Variants in LRRTM4 observed in about 807,000 individuals in gnomAD.
LRRTM4 encodes leucine rich repeat transmembrane neuronal 4, also known as leucine-rich repeat transmembrane neuronal protein 4.
A neutral mutation model predicts 47.6 loss-of-function variants in LRRTM4; 25 were observed. That is an observed-to-expected ratio of 0.53 (90% CI 0.38 to 0.73). LRRTM4 has a LOEUF of 0.73. Ranked by LOEUF, LRRTM4 falls within the 30% of genes least tolerant of loss-of-function variation. LRRTM4 has a pLI of 0.00. For missense variants in LRRTM4, 638 were observed against 713.4 expected (o/e 0.89, Z 1.20); for synonymous variants, 311 against 269.5 (o/e 1.15, Z -1.51).
intron 3 of LRRTM4, among the ~76,000 whole-genome samples, chr2:77,474,056 A>G (rs1447663307): frequency 1.3e-5 from 2 of 152,158 alleles, no homozygotes; most frequent in African/African-American, 2.4e-5. Flanking sequence ...CAGAAATATG[A>G]GTTTTTGTTA....
chr2:77,041,536 A>G (rs1366683190), intron 3 of LRRTM4, among the ~76,000 whole-genome samples: 3 of 151,652 alleles, frequency 2.0e-5, no homozygotes, highest in Non-Finnish European at 3.0e-5. Context: ...CCAACAATGT[A>G]TAAGAATTTG....
chr2:77,481,245 C>T (rs1369025340), intron 3 of LRRTM4, among the ~76,000 whole-genome samples: 1 of 152,164 alleles, frequency 6.6e-6, no homozygotes, highest in African/African-American at 2.4e-5. Context: ...GAAGCAAAGC[C>T]TATTATTATC....
intron 3 of LRRTM4, among the ~76,000 whole-genome samples, chr2:77,423,385 C>A (rs187536678): frequency 2.0e-5 from 3 of 152,086 alleles, no homozygotes; most frequent in Non-Finnish European, 4.4e-5. Context: ...ATTACTGATA[C>A]ATGAAGACAA....
chr2:77,252,933 T>G lies in LRRTM4; in HGVS notation c.1551+265385A>C, dbSNP rs779957038. Among the ~76,000 whole-genome samples, 212 of 152,268 alleles carry G rather than the reference T, an allele frequency of 1.4e-3. 1 individual carries two copies. The highest frequency in any genetic ancestry group is 6.8e-3 in the Middle Eastern group (2 of 294). On this transcript the variant is annotated intron_variant, in intron 3 of 3. Transcript: ENST00000409884. The stretch of plus-strand genomic sequence containing the variant: ...TGGCTGCCTTCTTCCTATGCCTTCA[T>G]ATGGTCGTTGTGTTGTTCCATCCCT...
At chr2:77,378,665 T>C (rs1057123550) in intron 3 of LRRTM4, among the ~76,000 whole-genome samples, 4 of 152,158 alleles carry the variant, frequency 2.6e-5, no homozygotes, top group African/African-American at 4.8e-5. Context: ...CTTCACCTTA[T>C]GTCCTCCACC....
At chr2:76,987,309 C>A (rs1676835921) in intron 3 of LRRTM4, 3 of 148,376 alleles carry the variant, frequency 2.0e-5, no homozygotes, top group South Asian at 4.2e-4. Context: ...AAAGTGCACA[C>A]TTTTCAGGAT....
chr2:76,883,275 C>T (rs988304257), intron 3 of LRRTM4, among the ~76,000 whole-genome samples: 2 of 152,108 alleles, frequency 1.3e-5, no homozygotes, highest in African/African-American at 4.8e-5. Context: ...CTAGTATGAG[C>T]CCCTGAAGAT....
chr2:76,852,325 G>A (rs1672022504), intron 3 of LRRTM4, among the ~76,000 whole-genome samples: 1 of 152,050 alleles, frequency 6.6e-6, no homozygotes, highest in Non-Finnish European at 1.5e-5. Context: ...TACCATCCTT[G>A]AAGCCATCTC....
At chr2:77,482,155 G>A (rs1473429539) in intron 3 of LRRTM4, among the ~76,000 whole-genome samples, 1 of 152,048 alleles carries the variant, frequency 6.6e-6, no homozygotes, top group African/African-American at 2.4e-5. Flanking sequence ...AATAGATGAA[G>A]GAAGCATGTT....
chr2:77,352,902 C>T (rs1327000932), intron 3 of LRRTM4, among the ~76,000 whole-genome samples: 5 of 151,940 alleles, frequency 3.3e-5, no homozygotes. Context: ...CAAATCAAAA[C>T]AAGTAGATAT....
At chr2:77,250,004 A>G (rs139029852) in intron 3 of LRRTM4, among the ~76,000 whole-genome samples, 5 of 152,352 alleles carry the variant, frequency 3.3e-5, no homozygotes, top group African/African-American at 1.2e-4. Context: ...GAAGTGAGCT[A>G]TCAAATCATC....
intron 3 of LRRTM4, among the ~76,000 whole-genome samples, chr2:77,315,781 G>A (rs957283891): frequency 1.3e-5 from 2 of 152,096 alleles, no homozygotes; most frequent in Non-Finnish European, 2.9e-5. Context: ...TCAAGGATCT[G>A]GGAACTAACT....
intron 3 of LRRTM4, among the ~76,000 whole-genome samples, chr2:77,372,485 A>C (rs1483273510): frequency 1.3e-5 from 2 of 151,762 alleles, no homozygotes; most frequent in East Asian, 3.9e-4. Flanking sequence ...GCACATTTCA[A>C]GAATAATGCT....
rs59335400 is a variant in LRRTM4 at position 77,207,372 on chromosome 2, T to TATATATATATATACACACACAC, written c.1551+310945_1551+310946insGTGTGTGTGTATATATATATAT. Among the ~76,000 whole-genome samples the TATATATATATATACACACACAC allele has an allele frequency of 1.9e-4, 25 of 131,086 alleles. No individual in the cohort carries two copies. In the East Asian group the frequency reaches 3.2e-3, roughly 17 times the overall value. The allele number at this position is 131,086 out of a possible 152,430, so 86.0% of individuals were successfully genotyped here. ...GTGTATATATATATATATATATATA[T>TATATATATATATACACACACAC]ACACACACACATATTTATATACACA... On this transcript the variant is annotated intron_variant, in intron 3 of 3. Transcript: ENST00000409884.
chr2:77,250,554 T>C (rs1675574880), intron 3 of LRRTM4, among the ~76,000 whole-genome samples: 1 of 152,234 alleles, frequency 6.6e-6, no homozygotes, highest in African/African-American at 2.4e-5. Flanking sequence ...CTAATTTATA[T>C]GTACATAAAC....
At chr2:77,025,051 C>G (rs916541090) in intron 3 of LRRTM4, among the ~76,000 whole-genome samples, 1 of 152,098 alleles carries the variant, frequency 6.6e-6, no homozygotes, top group Non-Finnish European at 1.5e-5. Context: ...TTTCATACTT[C>G]AAATTGTGAT....
At chr2:76,790,083 C>A (rs1172431570) in intron 3 of LRRTM4, among the ~76,000 whole-genome samples, 1 of 152,168 alleles carries the variant, frequency 6.6e-6, no homozygotes, top group Admixed American at 6.6e-5. Context: ...TCACCACTGT[C>A]TGAGATCTTT....
At position 77,276,287 on chromosome 2, in the gene LRRTM4, A is replaced by C. The variant is rs1212726423; in HGVS notation, c.1551+242031T>G. Among the ~76,000 whole-genome samples, 4 of 149,688 alleles carry C rather than the reference A, an allele frequency of 2.7e-5. No individual in the cohort carries two copies. In the East Asian group the frequency reaches 8.2e-4, roughly 31 times the overall value. On this transcript the variant is annotated intron_variant, in intron 3 of 3. Coordinates refer to ENST00000409884, the MANE Select transcript of LRRTM4 (RefSeq NM_001134745.3). ...ACACTGCAATGTAAAAACATACGCT[A>C]TTTTTAAAGCAAGTGAGAATGAAAG... is the stretch of plus-strand genomic sequence containing the variant.
chr2:77,522,252 G>C lies in LRRTM4; in HGVS notation c.-291C>G. On this transcript the variant is annotated 5_prime_UTR_variant, in exon 1 of 4. Coordinates refer to ENST00000409884, the MANE Select transcript of LRRTM4 (RefSeq NM_001134745.3). The stretch of plus-strand genomic sequence containing the variant: ...TATGCAGGCTAGGTTTATCCATTTA[G>C]CTGGTCAGGTTTAAAGTGTTTTGTA... 1.6e-6 allele frequency: 1 copy of C among 628,010 alleles called. No individual in the cohort carries two copies. Among genetic ancestry groups the C allele is most frequent in the Non-Finnish European group, 2.9e-6 (1 of 345,856 alleles). The allele number at this position is 628,010 out of a possible 1,614,324, so 38.9% of individuals were successfully genotyped here.
Sources: gnomAD v4.1 joint callset for allele counts (sites outside exome capture counted in the v4.1 genomes callset) on GRCh38, gnomAD v4.1.1 for gene constraint, MANE v1.5 for transcripts, NCBI Gene and HGNC (gene_info 2026-07-23, HGNC 2026-07-21) for gene names.